The following RIMS2 variants were observed in gnomAD, a reference collection of about 807,000 sequenced individuals.
RIMS2 encodes regulating synaptic membrane exocytosis protein 2.
In RIMS2, 59 loss-of-function variants were observed where a neutral mutation model predicts 174.4. The ratio of observed to expected loss-of-function variants is 0.34; its 90% confidence interval spans 0.27 to 0.42. The LOEUF is 0.42. RIMS2 is among the 10% of genes least tolerant of loss of function. RIMS2 has a pLI of 1.00. For missense variants in RIMS2, 1,620 were observed against 1,666.3 expected (o/e 0.97, Z 0.48); for synonymous variants, 606 against 572.5 (o/e 1.06, Z -0.84).
intron 1 of RIMS2, among the ~76,000 whole-genome samples, chr8:103,657,389 G>T (rs914763518): frequency 2.0e-5 from 3 of 152,154 alleles, no homozygotes; most frequent in African/African-American, 7.2e-5. Context: ...GGTCACTTTT[G>T]CTCACAGATT....
chr8:103,978,457 CCA>C (rs890791072), intron 16 of RIMS2, among the ~76,000 whole-genome samples: 71 of 152,296 alleles, frequency 4.7e-4, no homozygotes, highest in African/African-American at 1.7e-3. Context: ...AAATATGTAA[CCA>C]CTACTACCAC....
At chr8:103,580,138 C>T (rs536316768) in intron 1 of RIMS2, among the ~76,000 whole-genome samples, 1 of 152,138 alleles carries the variant, frequency 6.6e-6, no homozygotes, top group East Asian at 1.9e-4. Flanking sequence ...AGAGGAATTA[C>T]AGAACAACCA....
At chr8:103,995,340 G>A (rs990800582) in intron 17 of RIMS2, among the ~76,000 whole-genome samples, 1 of 152,102 alleles carries the variant, frequency 6.6e-6, no homozygotes, top group Non-Finnish European at 1.5e-5. Context: ...TGAAGACTGT[G>A]TGGCAGAAGG....
intron 19 of RIMS2, among the ~76,000 whole-genome samples, chr8:104,176,846 T>C (rs1047031530): frequency 3.3e-5 from 5 of 152,048 alleles, no homozygotes; most frequent in Non-Finnish European, 7.4e-5. Flanking sequence ...CTGAAGGATA[T>C]AAACAGCACA....
In RIMS2 at chr8:104,148,587, A is replaced by G; in HGVS notation, c.3335-96329A>G. 6.3e-7 allele frequency: 1 copy of G among 1,588,746 alleles called. No homozygotes were observed. The highest frequency in any genetic ancestry group is 8.5e-7 in the Non-Finnish European group (1 of 1,173,676). ...CCTTTTTACTCTTGTCCTCACTTTT[A>G]ATGATCCATCGGCTGACAGTGTCTT... On this transcript the variant is annotated intron_variant, in intron 19 of 23. Coordinates refer to ENST00000504942, the Ensembl canonical transcript of RIMS2.
At chr8:104,035,813 A>G (rs1248165402) in intron 19 of RIMS2, among the ~76,000 whole-genome samples, 2 of 152,176 alleles carry the variant, frequency 1.3e-5, no homozygotes, top group African/African-American at 4.8e-5. Flanking sequence ...CAGCAGCTTG[A>G]TAATTTCTGA....
chr8:103,830,464 T>G lies in RIMS2; in HGVS notation c.699-54834T>G, dbSNP rs189360501. 3.2e-3 allele frequency among the ~76,000 whole-genome samples: 483 copies of G among 152,340 alleles called. 4 individuals are homozygous for G. Among genetic ancestry groups the G allele is most frequent in the Non-Finnish European group, 5.0e-3 (340 of 68,028 alleles). On this transcript the variant is annotated intron_variant, in intron 3 of 23. Transcript: ENST00000504942. ...TTTTTATGATGACATTTTATTCTAG[T>G]GAGAGAACATACCTGTATAATCTCA...
At chr8:103,630,254 G>T (rs2095879118) in intron 1 of RIMS2, among the ~76,000 whole-genome samples, 1 of 151,824 alleles carries the variant, frequency 6.6e-6, no homozygotes, top group African/African-American at 2.4e-5. Context: ...AATGATAGCA[G>T]ATTTCTCATC....
chr8:103,837,780 G>T (rs573943969), intron 3 of RIMS2, among the ~76,000 whole-genome samples: 2 of 152,130 alleles, frequency 1.3e-5, no homozygotes, highest in South Asian at 4.2e-4. Context: ...ATTTGGGTTG[G>T]TTCCAAGTCT....
At chr8:103,593,383 C>T (rs2094347431) in intron 1 of RIMS2, among the ~76,000 whole-genome samples, 1 of 151,398 alleles carries the variant, frequency 6.6e-6, no homozygotes, top group Admixed American at 6.6e-5. Flanking sequence ...CAAGAGGGAC[C>T]AAAAGATTTT....
chr8:103,894,016 CAT>C (rs1171261344), intron 4 of RIMS2, among the ~76,000 whole-genome samples: 1 of 152,086 alleles, frequency 6.6e-6, no homozygotes, highest in Non-Finnish European at 1.5e-5. Context: ...ATGTGGATCA[CAT>C]GTTACCAGAT....
At chr8:103,580,991 A>G (rs2093585534) in intron 1 of RIMS2, among the ~76,000 whole-genome samples, 1 of 151,856 alleles carries the variant, frequency 6.6e-6, no homozygotes, top group Admixed American at 6.6e-5. Context: ...CACCACGTCC[A>G]GCTAATTTTT....
At chr8:103,607,669 G>A (rs1237395475) in intron 1 of RIMS2, among the ~76,000 whole-genome samples, 7 of 138,544 alleles carry the variant, frequency 5.1e-5, no homozygotes, top group African/African-American at 1.7e-4. Flanking sequence ...TTTTCACATA[G>A]TCCCATATTT....
intron 3 of RIMS2, among the ~76,000 whole-genome samples, chr8:103,805,323 T>C (rs916854409): frequency 1.3e-5 from 2 of 152,202 alleles, no homozygotes; most frequent in Non-Finnish European, 2.9e-5. Flanking sequence ...ATCTTAGTGT[T>C]ATTAACATTA....
chr8:103,616,540 AAAT>A (rs2095508849), intron 1 of RIMS2, among the ~76,000 whole-genome samples: 1 of 152,216 alleles, frequency 6.6e-6, no homozygotes, highest in Non-Finnish European at 1.5e-5. Context: ...CAAGAGAAAG[AAAT>A]AATGGGCATC....
chr8:103,639,178 T>G (rs1292567636), intron 1 of RIMS2, among the ~76,000 whole-genome samples: 4 of 151,968 alleles, frequency 2.6e-5, no homozygotes, highest in Non-Finnish European at 4.4e-5. Context: ...GTTATCTAGT[T>G]AAAATATCCT....
intron 14 of RIMS2, among the ~76,000 whole-genome samples, chr8:103,954,178 A>G (rs1223461707): frequency 6.6e-6 from 1 of 152,182 alleles, no homozygotes; most frequent in Admixed American, 6.5e-5. Flanking sequence ...CCCCACTGTC[A>G]ACATTAGACA....
chr8:104,123,153 TG>T (rs1280355837), intron 19 of RIMS2, among the ~76,000 whole-genome samples: 3 of 152,054 alleles, frequency 2.0e-5, no homozygotes, highest in Non-Finnish European at 2.9e-5. Flanking sequence ...TGGAGATTTT[TG>T]CCATTTTAAG....
chr8:103,646,637 AG>A (rs2096339794), intron 1 of RIMS2, among the ~76,000 whole-genome samples: 1 of 152,136 alleles, frequency 6.6e-6, no homozygotes, highest in South Asian at 2.1e-4. Flanking sequence ...CTTATAAGTG[AG>A]AACATATGGT....
Sources: gnomAD v4.1 joint callset for allele counts (sites outside exome capture counted in the v4.1 genomes callset) on GRCh38, gnomAD v4.1.1 for gene constraint, MANE v1.5 for transcripts, NCBI Gene and HGNC (gene_info 2026-07-23, HGNC 2026-07-21) for gene names.